The following MTHFD1L variants were observed in gnomAD, a reference collection of about 807,000 sequenced individuals.
MTHFD1L encodes the protein monofunctional C1-tetrahydrofolate synthase, mitochondrial.
Under a neutral mutation model 119.5 loss-of-function variants are expected in MTHFD1L, and 81 were observed. That is an observed-to-expected ratio of 0.68 (90% CI 0.57 to 0.82). The LOEUF (loss-of-function observed/expected upper bound fraction) is 0.82. MTHFD1L is among the 40% of genes least tolerant of loss of function. The pLI is 0.00. For missense variants in MTHFD1L, 1,125 were observed against 1,253.4 expected (o/e 0.90, Z 1.55); for synonymous variants, 430 against 475.2 (o/e 0.90, Z 1.24).
intron 11 of MTHFD1L, among the ~76,000 whole-genome samples, chr6:150,928,365 G>A (rs1423857258): frequency 1.3e-5 from 2 of 149,384 alleles, no homozygotes; most frequent in African/African-American, 4.9e-5. Context: ...GAACCTGGGA[G>A]GCGGAGCTTG....
At chr6:150,874,771 T>A (rs1188298554) in intron 1 of MTHFD1L, among the ~76,000 whole-genome samples, 2 of 152,074 alleles carry the variant, frequency 1.3e-5, no homozygotes, top group African/African-American at 2.4e-5. Context: ...TAACACTTTT[T>A]TTTTTTTTTG....
intron 27 of MTHFD1L, among the ~76,000 whole-genome samples, chr6:151,094,165 C>T (rs1400139015): frequency 6.6e-6 from 1 of 152,194 alleles, no homozygotes; most frequent in African/African-American, 2.4e-5. Context: ...CGCAAGCACC[C>T]CGCCTCCTTC....
chr6:150,882,613 G>T, intron 4 of MTHFD1L, 149 bp from the exon 5 acceptor site: 1 of 548,462 alleles, frequency 1.8e-6, no homozygotes, highest in Non-Finnish European at 2.9e-6. Flanking sequence ...TTTTTATTAT[G>T]CTTTACACCA....
At chr6:151,073,106 A>AC (rs1192855017) in intron 26 of MTHFD1L, among the ~76,000 whole-genome samples, 2 of 152,176 alleles carry the variant, frequency 1.3e-5, no homozygotes, top group African/African-American at 4.8e-5. Flanking sequence ...AAAGAGCTCA[A>AC]CTGTCTCCCT....
At position 151,034,339 on chromosome 6, in the gene MTHFD1L, G is replaced by A. The variant is rs534167578; in HGVS notation, c.2587-154G>A. Among the ~76,000 whole-genome samples the A allele has an allele frequency of 5.9e-5, 9 of 152,192 alleles. No individual in the cohort carries two copies. The East Asian group carries it at 1.7e-3, about 29-fold the overall frequency. ...ATTTCAGTGCTTTAGGGTGCTAAAA[G>A]GAAAAAAGAGGGTTTGCTAGGAATC... is the stretch of plus-strand genomic sequence containing the variant. On this transcript the variant is annotated intron_variant, in intron 24 of 27. Transcript: ENST00000367321.
intron 6 of MTHFD1L, among the ~76,000 whole-genome samples, chr6:150,886,559 C>T (rs1421021930): frequency 6.7e-6 from 1 of 150,288 alleles, no homozygotes; most frequent in Non-Finnish European, 1.5e-5. Flanking sequence ...ACTTAATTTC[C>T]ATTGTTGTCC....
At chr6:151,017,699 A>G (rs1470794644) in intron 24 of MTHFD1L, among the ~76,000 whole-genome samples, 1 of 151,544 alleles carries the variant, frequency 6.6e-6, no homozygotes, top group Non-Finnish European at 1.5e-5. Flanking sequence ...GATATCCCAC[A>G]TTTTGTTTCT....
At chr6:150,871,495 CTTTTTTTTTTTTTT>C (rs149449398) in intron 1 of MTHFD1L, among the ~76,000 whole-genome samples, 1 of 102,086 alleles carries the variant, frequency 9.8e-6, no homozygotes, top group Admixed American at 1.1e-4. Flanking sequence ...CTACTGTAAT[CTTTTTTTTTTTTTT>C]TTTTTTTTTT....
chr6:150,947,607 AT>A (rs59115308), intron 15 of MTHFD1L, among the ~76,000 whole-genome samples: 25,340 of 150,048 alleles, frequency 0.17, 2,368 homozygotes, highest in Middle Eastern at 0.3. Context: ...AAAAGTTTTA[AT>A]TTTTTTTTTT....
At chr6:150,918,207 G>A (rs1017993186) in intron 8 of MTHFD1L, among the ~76,000 whole-genome samples, 11 of 151,600 alleles carry the variant, frequency 7.3e-5, no homozygotes, top group African/African-American at 2.7e-4. Context: ...CTGGGACTAC[G>A]GGTACACGCC....
At chr6:151,076,669 A>G (rs1355180002) in intron 26 of MTHFD1L, among the ~76,000 whole-genome samples, 1 of 147,292 alleles carries the variant, frequency 6.8e-6, no homozygotes, top group Non-Finnish European at 1.5e-5. Flanking sequence ...AAAAAAAAAG[A>G]CTGACCATAC....
intron 26 of MTHFD1L, among the ~76,000 whole-genome samples, chr6:151,060,741 G>A (rs6913898): frequency 0.52 from 79,455 of 152,064 alleles, 20,952 homozygotes; most frequent in Middle Eastern, 0.58. Context: ...GGAATGAGCT[G>A]TGACACTGGG....
chr6:150,931,826 G>GT (rs1791089795), intron 11 of MTHFD1L, among the ~76,000 whole-genome samples: 1 of 151,986 alleles, frequency 6.6e-6, no homozygotes, highest in South Asian at 2.1e-4. Flanking sequence ...TACTTTGACA[G>GT]TTTTTACTGT....
chr6:151,076,532 T>G (rs1225376185), intron 26 of MTHFD1L, among the ~76,000 whole-genome samples: 1 of 151,386 alleles, frequency 6.6e-6, no homozygotes. Context: ...ACGCCTGTAA[T>G]CCCAGCTACT....
chr6:150,900,611 C>T (rs148034077), intron 7 of MTHFD1L, among the ~76,000 whole-genome samples: 1 of 152,314 alleles, frequency 6.6e-6, no homozygotes, highest in African/African-American at 2.4e-5. Flanking sequence ...GCTTTTCCTC[C>T]TACCCCTTCT....
chr6:151,078,010 G>A (rs895112262), intron 26 of MTHFD1L, among the ~76,000 whole-genome samples: 5 of 125,308 alleles, frequency 4.0e-5, no homozygotes, highest in Non-Finnish European at 6.3e-5. Context: ...CCAAGATCGC[G>A]CCACTGCACT....
At chr6:150,990,855 T>TTTG (rs376870046) in intron 20 of MTHFD1L, among the ~76,000 whole-genome samples, 38 of 151,408 alleles carry the variant, frequency 2.5e-4, no homozygotes, top group South Asian at 6.3e-4. Context: ...AACCATAGAG[T>TTTG]TTGTTGTTGT....
intron 19 of MTHFD1L, among the ~76,000 whole-genome samples, chr6:150,967,748 T>C (rs1334291266): frequency 2.0e-5 from 3 of 152,036 alleles, no homozygotes; most frequent in Non-Finnish European, 2.9e-5. Context: ...CCTCCCTCCT[T>C]CCTGCTTTAG....
intron 24 of MTHFD1L, among the ~76,000 whole-genome samples, chr6:151,023,595 A>C (rs1228044576): frequency 1.3e-5 from 2 of 152,144 alleles, no homozygotes; most frequent in Non-Finnish European, 2.9e-5. Context: ...ATTCTGGCAA[A>C]GCTTGCCCCA....
Sources: allele counts gnomAD v4.1 joint callset (sites outside exome capture counted in the v4.1 genomes callset), GRCh38; gene constraint gnomAD v4.1.1; transcripts MANE v1.5; gene names NCBI Gene and HGNC (gene_info 2026-07-23, HGNC 2026-07-21).